HEATR5A: variants seen among roughly 807,000 people sequenced by gnomAD.
HEATR5A encodes HEAT repeat-containing protein 5A.
HEATR5A carries 178 observed loss-of-function variants against 218.8 expected under a neutral mutation model. The observed-to-expected ratio is 0.81, with a 90% confidence interval of 0.72 to 0.92. The LOEUF is 0.92. Ranked by LOEUF, HEATR5A falls within the 40% of genes least tolerant of loss-of-function variation. The pLI is 0.00. For missense variants in HEATR5A, 2,420 were observed against 2,418.9 expected, an observed-to-expected ratio of 1.00 and a Z score of -0.01; for synonymous variants, 864 against 871.6, an observed-to-expected ratio of 0.99 and a Z score of 0.15.
chr14:31,407,904 A>G (rs2031137957), intron 1 of HEATR5A, among the ~76,000 whole-genome samples: 1 of 152,238 alleles, frequency 6.6e-6, no homozygotes. Flanking sequence ...CTGGAATTAC[A>G]GAGGTGAGCC....
At chr14:31,357,788 A>G (rs1259687212) in intron 16 of HEATR5A, among the ~76,000 whole-genome samples, 1 of 152,194 alleles carries the variant, frequency 6.6e-6, no homozygotes, top group Non-Finnish European at 1.5e-5. Context: ...CTTTGCTCAT[A>G]TATACATTGT....
At chr14:31,382,744 A>G (rs1247323129) in intron 10 of HEATR5A, among the ~76,000 whole-genome samples, 2 of 150,852 alleles carry the variant, frequency 1.3e-5, no homozygotes, top group Non-Finnish European at 2.9e-5. Flanking sequence ...GAGAAGTTGA[A>G]TATCATTATG....
At position 31,402,970 on chromosome 14, in the gene HEATR5A, T is replaced by C; in HGVS notation, c.6A>G (p.Glu2=). 4.6e-6 allele frequency: 7 copies of C among 1,535,712 alleles called. No homozygotes were observed. Among genetic ancestry groups the C allele is most frequent in the Non-Finnish European group, 6.1e-6 (7 of 1,146,616 alleles). Residue 2 remains glutamate (E), a synonymous_variant, in exon 2 of 36, where the codon GAA becomes GAG. Coordinates refer to ENST00000543095, the MANE Select transcript of HEATR5A (RefSeq NM_015473.4). M[E]LAHSLLLNEE... Reference sequence around the variant, plus strand: ...CATTCAGCAGTAAGCTATGAGCTAATTCCATTCCTTGCAGCAATCCTCCCA... The same window carrying C: ...CATTCAGCAGTAAGCTATGAGCTAACTCCATTCCTTGCAGCAATCCTCCCA...
intron 16 of HEATR5A, among the ~76,000 whole-genome samples, chr14:31,356,785 C>T (rs900141721): frequency 6.6e-6 from 1 of 151,928 alleles, no homozygotes; most frequent in South Asian, 2.1e-4. Flanking sequence ...GCAATAAATC[C>T]GAAAAGAAAA....
At chr14:31,369,505 G>A (rs1403927334) in intron 13 of HEATR5A, among the ~76,000 whole-genome samples, 2 of 147,312 alleles carry the variant, frequency 1.4e-5, no homozygotes, top group Admixed American at 1.4e-4. Context: ...CCCTTACTGG[G>A]GAGACCGAAG....
chr14:31,336,574 T>C (rs1900678488), intron 22 of HEATR5A, among the ~76,000 whole-genome samples: 2 of 133,886 alleles, frequency 1.5e-5, no homozygotes, highest in Admixed American at 1.5e-4. Context: ...TAAAATGAAG[T>C]GATATACACT....
intron 8 of HEATR5A, 49 bp downstream of exon 8, chr14:31,387,071 A>T: frequency 6.3e-7 from 1 of 1,588,244 alleles, no homozygotes; most frequent in Non-Finnish European, 8.6e-7. Flanking sequence ...TCCCAAAGGG[A>T]CAATTCCATT....
At chr14:31,378,297 CAAAT>C (rs2029868798) in intron 11 of HEATR5A, among the ~76,000 whole-genome samples, 1 of 152,322 alleles carries the variant, frequency 6.6e-6, no homozygotes, top group Admixed American at 6.5e-5. Context: ...TGGTTGTACA[CAAAT>C]AAAACTATGA....
At chr14:31,388,651 A>G (rs375968726) in intron 7 of HEATR5A, among the ~76,000 whole-genome samples, 194 bp downstream of exon 7, 1 of 152,242 alleles carries the variant, frequency 6.6e-6, no homozygotes, top group African/African-American at 2.4e-5. Flanking sequence ...CGCAAAACAC[A>G]TTATAGGTAA....
In HEATR5A at chr14:31,323,194, T is replaced by C. The variant is rs909474175; in HGVS notation, c.3787+371A>G. Reference sequence around the variant, plus strand: ...AATGCCAATATAAGAAGCTTAACCATTAAAAATGTATTTAAACATGAAGTG... The same window carrying C: ...AATGCCAATATAAGAAGCTTAACCACTAAAAATGTATTTAAACATGAAGTG... On this transcript the variant is annotated intron_variant, in intron 24 of 35. Coordinates refer to ENST00000543095, the MANE Select transcript of HEATR5A (RefSeq NM_015473.4). 2.6e-5 allele frequency among the ~76,000 whole-genome samples: 4 copies of C among 152,286 alleles called. 1 individual carries two copies. Among genetic ancestry groups the C allele is most frequent in the Middle Eastern group, 6.8e-3 (2 of 294 alleles).
chr14:31,407,438 G>C (rs2031109654), intron 1 of HEATR5A, among the ~76,000 whole-genome samples: 1 of 152,036 alleles, frequency 6.6e-6, no homozygotes, highest in Admixed American at 6.6e-5. Context: ...TATTTAATTA[G>C]GTTAATGTAT....
At chr14:31,326,441 T>C (rs1823136420) in intron 22 of HEATR5A, 99 bp from the exon 23 acceptor site, 9 of 866,246 alleles carry the variant, frequency 1.0e-5, no homozygotes, top group Non-Finnish European at 1.6e-5. Context: ...TAGATAAAAA[T>C]ACATCTTAAA....
chr14:31,373,108 G>GA (rs1273175269), intron 12 of HEATR5A, among the ~76,000 whole-genome samples: 1 of 152,028 alleles, frequency 6.6e-6, no homozygotes, highest in Non-Finnish European at 1.5e-5. Flanking sequence ...TTTTTGTAGA[G>GA]AGAGCAGTTC....
chr14:31,308,506 T>TAAAAAAA (rs34745602), intron 29 of HEATR5A, among the ~76,000 whole-genome samples: 1 of 125,936 alleles, frequency 7.9e-6, no homozygotes, highest in African/African-American at 3.1e-5. Context: ...AAACTCTGTC[T>TAAAAAAA]AAAAAAAAAA....
At chr14:31,384,718 G>C (rs1196320184) in intron 9 of HEATR5A, among the ~76,000 whole-genome samples, 2 of 151,784 alleles carry the variant, frequency 1.3e-5, no homozygotes, top group African/African-American at 4.8e-5. Flanking sequence ...GTAGAGATGA[G>C]GTTTCACCAT....
intron 25 of HEATR5A, chr14:31,320,423 C>G: frequency 8.1e-7 from 1 of 1,237,352 alleles, no homozygotes; most frequent in Non-Finnish European, 1.2e-6. Context: ...TGACCCAGCA[C>G]CAATAAACTT....
At position 31,381,073 on chromosome 14, in the gene HEATR5A, C is replaced by G. The variant is rs56705300; in HGVS notation, c.1597-495G>C. ...ACCATCCTGGCTAGCACAGTGAAAC[C>G]CCATCTCTACTAAAAATACAAAAAA... On this transcript the variant is annotated intron_variant, in intron 10 of 35. Transcript: ENST00000543095. Among the ~76,000 whole-genome samples, 1,418 of 151,608 alleles carry G rather than the reference C, an allele frequency of 9.4e-3. 22 individuals are homozygous for G. Among genetic ancestry groups the G allele is most frequent in the African/African-American group, 0.033 (1,345 of 41,032 alleles).
chr14:31,321,747 T>C (rs1228398396), intron 24 of HEATR5A, 67 bp from the exon 25 acceptor site: 70 of 1,202,994 alleles, frequency 5.8e-5, no homozygotes, highest in Non-Finnish European at 4.2e-5. Flanking sequence ...GTGCTGGAAC[T>C]AAGACTTACA....
At chr14:31,405,059 CAAAAAAAA>C (rs386381028) in intron 1 of HEATR5A, among the ~76,000 whole-genome samples, 8 of 97,904 alleles carry the variant, frequency 8.2e-5, no homozygotes, top group African/African-American at 1.3e-4. Context: ...CTGTCTCCAC[CAAAAAAAA>C]AAAAAAAAAA....
Sources: gnomAD v4.1 joint callset for allele counts (sites outside exome capture counted in the v4.1 genomes callset) on GRCh38, gnomAD v4.1.1 for gene constraint, MANE v1.5 for transcripts, NCBI Gene and HGNC (gene_info 2026-07-23, HGNC 2026-07-21) for gene names.